Variants in SERPINB11 observed in about 807,000 individuals in gnomAD.
SERPINB11 encodes serpin B11.
SERPINB11 carries 32 observed loss-of-function variants against 36.7 expected under a neutral mutation model. That is an observed-to-expected ratio of 0.87 (90% CI 0.66 to 1.17). The LOEUF (loss-of-function observed/expected upper bound fraction) is 1.17. Among genes scored for constraint, SERPINB11 ranks in the 50% most tolerant of loss-of-function variants. The pLI is 0.00. For synonymous variants in SERPINB11, 174 were observed against 168.1 expected, an observed-to-expected ratio of 1.04 and a Z score of -0.27; for missense variants, 528 against 458.4, an observed-to-expected ratio of 1.15 and a Z score of -1.39.
chr18:63,711,321 T>G lies in SERPINB11; in HGVS notation c.169-14T>G. 1 of 1,598,332 alleles carries G rather than the reference T, an allele frequency of 6.3e-7. No individual in the cohort carries two copies. The highest frequency in any genetic ancestry group is 1.7e-4 in the Middle Eastern group (1 of 6,034). ...GCTTCTGATGCCAAAAGATCCCTTT[T>G]TTTTCTTTTCTAGGTGCTTCATTTT... On this transcript the variant is annotated splice_polypyrimidine_tract_variant and intron_variant, in intron 2 of 7. Transcript: ENST00000544088.
intron 1 of SERPINB11, among the ~76,000 whole-genome samples, chr18:63,709,664 A>T (rs1256377975): frequency 1.3e-5 from 2 of 151,370 alleles, no homozygotes; most frequent in Non-Finnish European, 2.9e-5. Context: ...AAATAAAAAT[A>T]AAAAATGTGC....
At position 63,723,495 on chromosome 18, in the gene SERPINB11, C is replaced by T. The variant is rs1217245121; in HGVS notation, c.*96C>T. 12 of 1,147,370 alleles carry T rather than the reference C, an allele frequency of 1.0e-5. No homozygotes were observed. The highest frequency in any genetic ancestry group is 1.5e-5 in the Non-Finnish European group (12 of 808,834). The allele number at this position is 1,147,370 out of a possible 1,614,324, so 71.1% of individuals were successfully genotyped here. A position where few individuals can be genotyped will look rare whatever the true frequency, so the allele number is the denominator to read the frequency against. On this transcript the variant is annotated 3_prime_UTR_variant, in exon 8 of 8. Transcript: ENST00000544088. The stretch of plus-strand genomic sequence containing the variant: ...CAAAAAGCTGTTCACACCTCACACA[C>T]CTCTGTGCCTCAGTTTGCTCATCTG...
rs376453468 is a variant in SERPINB11, at chr18:63,720,007, T to C, written c.476-6T>C. The C allele has an allele frequency of 1.3e-6, 2 of 1,589,962 alleles. No homozygotes were observed. Among genetic ancestry groups the C allele is most frequent in the African/African-American group, 1.4e-5 (1 of 73,344 alleles). On this transcript the variant is annotated splice_region_variant and splice_polypyrimidine_tract_variant and intron_variant, in intron 5 of 7. Transcript: ENST00000544088. The stretch of plus-strand genomic sequence containing the variant: ...CCAAATATAATTATCTTATTTTTTA[T>C]ACAAGGAAAAGTCGCAAATCTCTTT...
intron 5 of SERPINB11, 95 bp downstream of exon 5, chr18:63,716,247 C>T: frequency 1.4e-6 from 1 of 720,284 alleles, no homozygotes; most frequent in Non-Finnish European, 2.4e-6. Flanking sequence ...GAAGTCTGCA[C>T]CTGACATAGG....
chr18:63,710,160 T>C lies in SERPINB11; in HGVS notation c.-15-19T>C, dbSNP rs1321970324. On this transcript the variant is annotated intron_variant, in intron 1 of 7. Transcript: ENST00000544088. ...AACTTCAAGTGATGTTCTGAGAATT[T>C]TTTCCCTTCTGTTCTCAGGCAGTCG... 1 of 1,564,278 alleles carries C rather than the reference T, an allele frequency of 6.4e-7. No homozygotes were observed. Among genetic ancestry groups the C allele is most frequent in the East Asian group, 2.3e-5 (1 of 43,654 alleles).
intron 6 of SERPINB11, 70 bp from the exon 7 acceptor site, chr18:63,720,761 C>A: frequency 1.7e-6 from 2 of 1,153,808 alleles, no homozygotes; most frequent in African/African-American, 1.6e-5. Flanking sequence ...CCGTGTTATG[C>A]AAGGTAATCA....
intron 1 of SERPINB11, among the ~76,000 whole-genome samples, chr18:63,708,128 A>G (rs1263289149): frequency 6.6e-6 from 1 of 152,216 alleles, no homozygotes. Flanking sequence ...TTACATGGCT[A>G]AATTGGAGTG....
intron 2 of SERPINB11, 80 bp downstream of exon 2, chr18:63,710,441 C>T: frequency 8.7e-7 from 1 of 1,149,710 alleles, no homozygotes. Context: ...TTAATTCTAT[C>T]TTTATACCAA....
At chr18:63,722,367 C>T (rs1196849524) in intron 7 of SERPINB11, among the ~76,000 whole-genome samples, 6 of 152,074 alleles carry the variant, frequency 3.9e-5, no homozygotes, top group African/African-American at 9.7e-5. Flanking sequence ...CCGAGGGAGG[C>T]GTTTGAAAGG....
chr18:63,718,372 T>C (rs750792825), intron 5 of SERPINB11, among the ~76,000 whole-genome samples: 26 of 152,062 alleles, frequency 1.7e-4, no homozygotes, highest in Non-Finnish European at 3.1e-4. Flanking sequence ...TCTATAGATT[T>C]GGAGAGAAAA....
rs1216577335 is a variant in SERPINB11, at chr18:63,720,042, A to G, written c.505A>G (p.Thr169Ala). 6.2e-7 allele frequency: 1 copy of G among 1,606,446 alleles called. No homozygotes were observed. The highest frequency in any genetic ancestry group is 1.7e-5 in the Admixed American group (1 of 57,950). The change falls in exon 6 of 8, where the codon ACA becomes GCA. Residue 169 changes from threonine to alanine, a missense_variant. Coordinates refer to ENST00000544088, the MANE Select transcript of SERPINB11 (RefSeq NM_001370475.1). The stretch of plus-strand genomic sequence containing the variant: ...AGTCGCAAATCTCTTTGGAAAGAGC[A>G]CAATTGACCCTTCATCTGTAATGGT... ...GKVANLFGKS[T>A]IDPSSVMVLV...
chr18:63,714,342 A>G (rs1263651309), intron 4 of SERPINB11, among the ~76,000 whole-genome samples: 2 of 152,186 alleles, frequency 1.3e-5, no homozygotes, highest in African/African-American at 2.4e-5. Flanking sequence ...CAAAATTAAA[A>G]TTGCTAATGA....
intron 5 of SERPINB11, among the ~76,000 whole-genome samples, chr18:63,717,096 C>A (rs1914688485): frequency 6.6e-6 from 1 of 152,014 alleles, no homozygotes; most frequent in Non-Finnish European, 1.5e-5. Context: ...CTTCTGTTAC[C>A]ACTTATTAGT....
intron 6 of SERPINB11, chr18:63,720,605 T>C (rs1270714063): frequency 5.9e-5 from 26 of 439,424 alleles, no homozygotes; most frequent in Non-Finnish European, 5.9e-5. Context: ...GACCAAGCTA[T>C]CTCTATATAT....
At chr18:63,713,456 T>A (rs1481130455) in intron 4 of SERPINB11, among the ~76,000 whole-genome samples, 1 of 152,166 alleles carries the variant, frequency 6.6e-6, no homozygotes, top group Non-Finnish European at 1.5e-5. Flanking sequence ...ATCTTGTGAT[T>A]GAGGTGAAAT....
chr18:63,719,974 G>A (rs1193554366), intron 5 of SERPINB11, 39 bp from the exon 6 acceptor site: 3 of 1,531,626 alleles, frequency 2.0e-6, no homozygotes, highest in South Asian at 1.2e-5. Flanking sequence ...ATTATCAGGA[G>A]TTCAAATCCA....
At chr18:63,718,273 A>G (rs1380781531) in intron 5 of SERPINB11, among the ~76,000 whole-genome samples, 2 of 151,938 alleles carry the variant, frequency 1.3e-5, no homozygotes, top group African/African-American at 4.8e-5. Context: ...CCAAATCTTG[A>G]TCCTTTGTAT....
intron 1 of SERPINB11, among the ~76,000 whole-genome samples, chr18:63,703,883 A>G (rs1180325370): frequency 6.6e-6 from 1 of 152,248 alleles, no homozygotes; most frequent in Admixed American, 6.5e-5. Flanking sequence ...CCCTCTTCTC[A>G]ACCTCAAAGG....
chr18:63,710,824 G>A (rs988968634), intron 2 of SERPINB11, among the ~76,000 whole-genome samples: 3 of 152,184 alleles, frequency 2.0e-5, no homozygotes. Flanking sequence ...AAGGAAAGGT[G>A]ACTTTTCAGG....
Sources: allele counts gnomAD v4.1 joint callset (sites outside exome capture counted in the v4.1 genomes callset), GRCh38; gene constraint gnomAD v4.1.1; transcripts MANE v1.5; gene names NCBI Gene and HGNC (gene_info 2026-07-23, HGNC 2026-07-21).